The following GNA14 variants were observed in gnomAD, a reference collection of about 807,000 sequenced individuals.
The protein encoded by GNA14 is guanine nucleotide-binding protein subunit alpha-14.
GNA14 carries 50 observed loss-of-function variants against 42.0 expected under a neutral mutation model. The ratio of observed to expected loss-of-function variants is 1.19; its 90% CI spans 0.95 to 1.51. The LOEUF (loss-of-function observed/expected upper bound fraction) is 1.51, where lower values mean the gene tolerates loss of function less well. GNA14 is among the 40% of genes most tolerant of loss of function. The probability of loss-of-function intolerance (pLI) is 0.00; values close to 1 mark genes in which losing one functional copy is unlikely to be tolerated. For missense variants in GNA14, 473 were observed against 446.2 expected, an observed-to-expected ratio of 1.06 and a Z score of -0.54; for synonymous variants, 173 against 163.1, an observed-to-expected ratio of 1.06 and a Z score of -0.46.
intron 2 of GNA14, among the ~76,000 whole-genome samples, chr9:77,487,892 T>A (rs1836688308): frequency 6.6e-6 from 1 of 152,180 alleles, no homozygotes; most frequent in African/African-American, 2.4e-5. Flanking sequence ...CTCACAGAGT[T>A]GTTATTAGGA....
intron 1 of GNA14, among the ~76,000 whole-genome samples, chr9:77,597,369 A>G (rs967041929): frequency 1.9e-4 from 29 of 152,290 alleles, no homozygotes; most frequent in African/African-American, 7.0e-4. Flanking sequence ...GAAATGATGA[A>G]CAAATTTAGC....
intron 1 of GNA14, among the ~76,000 whole-genome samples, chr9:77,560,181 T>C (rs1004826836): frequency 2.6e-5 from 4 of 152,254 alleles, no homozygotes; most frequent in South Asian, 4.1e-4. Flanking sequence ...TAAGCCACAC[T>C]ATATTTAAGG....
chr9:77,460,666 G>C (rs1587774685), intron 2 of GNA14, among the ~76,000 whole-genome samples: 1 of 152,166 alleles, frequency 6.6e-6, no homozygotes, highest in East Asian at 1.9e-4. Context: ...GTGGGGACGA[G>C]TACGCAGGAA....
chr9:77,515,009 G>A (rs1837228801), intron 2 of GNA14, among the ~76,000 whole-genome samples: 1 of 152,164 alleles, frequency 6.6e-6, no homozygotes, highest in Non-Finnish European at 1.5e-5. Flanking sequence ...GATGTGAGAT[G>A]ACAGTGAGGC....
At chr9:77,626,563 T>G (rs925442500) in intron 1 of GNA14, among the ~76,000 whole-genome samples, 60 of 152,086 alleles carry the variant, frequency 3.9e-4, no homozygotes, top group African/African-American at 1.4e-3. Flanking sequence ...GCAATCAAAT[T>G]AGAACTCAGG....
intron 2 of GNA14, among the ~76,000 whole-genome samples, chr9:77,482,137 C>G (rs1252539553): frequency 6.6e-6 from 1 of 152,206 alleles, no homozygotes; most frequent in Non-Finnish European, 1.5e-5. Context: ...GCAGTTTCTT[C>G]CTAGCCTTGA....
chr9:77,559,761 A>C (rs1822848166), intron 1 of GNA14, among the ~76,000 whole-genome samples: 1 of 152,228 alleles, frequency 6.6e-6, no homozygotes, highest in Non-Finnish European at 1.5e-5. Flanking sequence ...CCCTTTCCCA[A>C]TTTACCTAAT....
At chr9:77,436,369 G>T (rs1835639036) in intron 2 of GNA14, among the ~76,000 whole-genome samples, 1 of 152,166 alleles carries the variant, frequency 6.6e-6, no homozygotes, top group Non-Finnish European at 1.5e-5. Flanking sequence ...ATTTCCAGGG[G>T]TACCTGAATT....
intron 1 of GNA14, among the ~76,000 whole-genome samples, chr9:77,591,674 T>C (rs1144433): frequency 0.53 from 79,953 of 152,068 alleles, 23,435 homozygotes; most frequent in Middle Eastern, 0.67. Context: ...CTCTCTTTGA[T>C]CAAACATGTC....
intron 2 of GNA14, among the ~76,000 whole-genome samples, chr9:77,474,681 C>G (rs974772672): frequency 6.6e-6 from 1 of 152,164 alleles, no homozygotes; most frequent in Admixed American, 6.5e-5. Flanking sequence ...AATGTCTACA[C>G]AAAAACCTGT....
chr9:77,610,478 A>G (rs1823712503), intron 1 of GNA14, among the ~76,000 whole-genome samples: 1 of 152,202 alleles, frequency 6.6e-6, no homozygotes, highest in South Asian at 2.1e-4. Context: ...CTCTTTTTAT[A>G]AGAGCACTAA....
intron 2 of GNA14, among the ~76,000 whole-genome samples, chr9:77,498,486 T>C (rs891284625): frequency 6.6e-6 from 1 of 151,906 alleles, no homozygotes; most frequent in African/African-American, 2.4e-5. Flanking sequence ...GCCAAGCCCG[T>C]AGGAGCTACT....
intron 3 of GNA14, among the ~76,000 whole-genome samples, chr9:77,431,935 C>T (rs1835562450): frequency 1.3e-5 from 2 of 152,068 alleles, no homozygotes; most frequent in South Asian, 4.1e-4. Flanking sequence ...GTAAAACAGG[C>T]CGAGGAGAAA....
intron 2 of GNA14, among the ~76,000 whole-genome samples, chr9:77,502,589 G>C (rs767205168): frequency 2.6e-5 from 4 of 152,126 alleles, no homozygotes; most frequent in Non-Finnish European, 5.9e-5. Context: ...CTGTGCCACG[G>C]TTGGGGTGGC....
intron 2 of GNA14, among the ~76,000 whole-genome samples, chr9:77,525,841 C>T (rs565238844): frequency 2.0e-5 from 3 of 149,410 alleles, no homozygotes; most frequent in East Asian, 2.1e-4. Context: ...CCCGGCCGTG[C>T]CCCAGGATGG....
At chr9:77,469,168 T>C (rs1836284569) in intron 2 of GNA14, among the ~76,000 whole-genome samples, 1 of 152,184 alleles carries the variant, frequency 6.6e-6, no homozygotes, top group East Asian at 1.9e-4. Context: ...CCCCCATAAG[T>C]ACTATCAGTT....
intron 1 of GNA14, among the ~76,000 whole-genome samples, chr9:77,547,016 G>T (rs1837727535): frequency 6.6e-6 from 1 of 152,194 alleles, no homozygotes; most frequent in Non-Finnish European, 1.5e-5. Context: ...CTGTCTTATT[G>T]GGTGTGGGGG....
intron 2 of GNA14, among the ~76,000 whole-genome samples, chr9:77,522,270 G>A (rs1294551840): frequency 1.3e-5 from 2 of 152,180 alleles, no homozygotes; most frequent in African/African-American, 4.8e-5. Context: ...CGCCATTGAT[G>A]AGACCTTGAG....
intron 5 of GNA14, among the ~76,000 whole-genome samples, chr9:77,426,216 C>T (rs12352830): frequency 3.9e-5 from 6 of 151,926 alleles, no homozygotes; most frequent in African/African-American, 1.2e-4. Context: ...AGAGACAGGA[C>T]GCACTGCTAC....
Sources: allele counts gnomAD v4.1 joint callset (sites outside exome capture counted in the v4.1 genomes callset), GRCh38; gene constraint gnomAD v4.1.1; transcripts MANE v1.5; gene names NCBI Gene and HGNC (gene_info 2026-07-23, HGNC 2026-07-21).